Variants in SAMD9 observed in about 807,000 individuals in gnomAD.
SAMD9 encodes sterile alpha motif domain-containing protein 9.
A neutral mutation model predicts 1.5 loss-of-function variants in SAMD9; 3 were observed. The observed-to-expected ratio is 2.05, with a 90% CI of 0.93 to 5.29. The LOEUF is 5.29. Among genes scored for constraint, SAMD9 ranks in the 30% most tolerant of loss-of-function variants. SAMD9 has a pLI of 0.02. For synonymous variants in SAMD9, 635 were observed against 631.9 expected (o/e 1.00, Z -0.07); for missense variants, 1,597 against 1,820.8 (o/e 0.88, Z 2.24).
Position 93,103,775 on chromosome 7 carries a change from C to A in SAMD9, c.2323G>T (p.Glu775Ter), listed in dbSNP as rs770783617. Reference sequence around the variant, plus strand: ...TAGGTGATTAAACTGGTTACCTGTTCTCCAATTTCAGAAAAATCCACTGTC... The same window carrying A: ...TAGGTGATTAAACTGGTTACCTGTTATCCAATTTCAGAAAAATCCACTGTC... ...NKTVDFSEIGEQVTSLITYGA... is the reference protein window; with the variant it reads ...NKTVDFSEIG The change falls in exon 3 of 3, where the codon GAA becomes TAA. Residue 775 changes from glutamate (E) to a stop codon, truncating the protein, a stop_gained. Coordinates refer to ENST00000379958, the MANE Select transcript of SAMD9 (RefSeq NM_017654.4). LOFTEE classifies it low-confidence loss of function (END_TRUNC). 1.9e-6 allele frequency: 3 copies of A among 1,613,954 alleles called. No individual in the cohort carries two copies. The highest frequency in any genetic ancestry group is 2.5e-6 in the Non-Finnish European group (3 of 1,179,870).
chr7:93,113,393 G>A (rs189097257), intron 2 of SAMD9, among the ~76,000 whole-genome samples: 26 of 152,232 alleles, frequency 1.7e-4, no homozygotes, highest in African/African-American at 6.3e-4. Context: ...CATAGGCATG[G>A]GCAAGGACTT....
Position 93,104,877 on chromosome 7 carries a change from A to G in SAMD9, c.1221T>C (p.Asn407=). The G allele has an allele frequency of 6.2e-7, 1 of 1,613,128 alleles. No homozygotes were observed. Among genetic ancestry groups the G allele is most frequent in the Non-Finnish European group, 8.5e-7 (1 of 1,179,522 alleles). ...LLTGNQDLLD[N]SYYEQYILVT... Reference sequence around the variant, plus strand: ...CAAGAATGTACTGTTCATAGTATGAATTATCTAACAAATCTTGATTTCCTG... The same window carrying G: ...CAAGAATGTACTGTTCATAGTATGAGTTATCTAACAAATCTTGATTTCCTG... The change falls in exon 3 of 3, where the codon AAT becomes AAC. Residue 407 remains asparagine, a synonymous_variant. Coordinates refer to ENST00000379958, the MANE Select transcript of SAMD9 (RefSeq NM_017654.4).
At position 93,104,323 on chromosome 7, in the gene SAMD9, G is replaced by C; in HGVS notation, c.1775C>G (p.Ala592Gly). The C allele has an allele frequency of 6.2e-7, 1 of 1,613,584 alleles. No homozygotes were observed. Reference protein sequence around the residue: ...IFQGWKDLLEARLIKHQDEIS... With the variant: ...IFQGWKDLLEGRLIKHQDEIS... ...TTCATCTTGGTGTTTTATTAATCTTGCTTCAAGTAGATCTTTCCATCCCTG... is the reference window on the plus strand; with the variant it reads ...TTCATCTTGGTGTTTTATTAATCTTCCTTCAAGTAGATCTTTCCATCCCTG... The change falls in exon 3 of 3, where the codon GCA (alanine) becomes GGA (glycine). Residue 592 changes from alanine (A) to glycine (G), a missense_variant. Ala to Gly is a moderately conservative substitution (Grantham distance 60, BLOSUM62 0). This residue lies in a region of SAMD9 where 358 missense variants were observed against 460.4 expected (regional missense o/e 0.78). Coordinates refer to ENST00000379958, the MANE Select transcript of SAMD9 (RefSeq NM_017654.4).
rs74945118 is a variant in SAMD9, at chr7:93,117,851, T to C, written c.-110+12A>G. The C allele has an allele frequency of 3.9e-4, 60 of 152,358 alleles. No individual in the cohort carries two copies. The highest frequency in any genetic ancestry group is 1.0e-3 in the African/African-American group (42 of 41,572). The allele number at this position is 152,358 out of a possible 1,614,324, so 9.4% of individuals were successfully genotyped here. On this transcript the variant is annotated intron_variant, in intron 1 of 2. Coordinates refer to ENST00000379958, the MANE Select transcript of SAMD9 (RefSeq NM_017654.4). Reference sequence around the variant, plus strand: ...TAGTAAGAACAATATTAATAATAGATATTGTACTTACCCAGTAGTCTTGCA... The same window carrying C: ...TAGTAAGAACAATATTAATAATAGACATTGTACTTACCCAGTAGTCTTGCA...
chr7:93,108,173 G>T (rs926252396), intron 2 of SAMD9, among the ~76,000 whole-genome samples: 12 of 152,208 alleles, frequency 7.9e-5, no homozygotes. Flanking sequence ...CGCCTGTGTG[G>T]CTAAGGCTTC....
At chr7:93,110,793 C>A (rs1373465976) in intron 2 of SAMD9, among the ~76,000 whole-genome samples, 3 of 152,280 alleles carry the variant, frequency 2.0e-5, no homozygotes, top group Admixed American at 2.0e-4. Context: ...CAGGAGCACC[C>A]AGATTCATAA....
In SAMD9 at chr7:93,101,923, T is replaced by C; in HGVS notation, c.4175A>G (p.Asn1392Ser). The part of the protein sequence containing the change: ...SKEKLNFILA[N>S]IILSCIQPTS... Reference sequence around the variant, plus strand: ...AGGTTGGATACAGGAGAGAATAATGTTGGCCAAGATGAAATTTAGCTTTTC... The same window carrying C: ...AGGTTGGATACAGGAGAGAATAATGCTGGCCAAGATGAAATTTAGCTTTTC... The change falls in exon 3 of 3, where the codon AAC (asparagine) becomes AGC (serine). Residue 1392 changes from asparagine to serine, a missense_variant. Around this residue, in one of 6 missense-constraint regions of SAMD9, gnomAD observed 682 missense variants for 810.0 expected, o/e 0.84. Transcript: ENST00000379958. 2 of 1,613,860 alleles carry C rather than the reference T, an allele frequency of 1.2e-6. No homozygotes were observed.
At chr7:93,113,127 C>G (rs553549796) in intron 2 of SAMD9, among the ~76,000 whole-genome samples, 36 of 152,214 alleles carry the variant, frequency 2.4e-4, no homozygotes, top group Non-Finnish European at 4.9e-4. Flanking sequence ...TGGAACAGAA[C>G]AGAGTCCTCA....
Position 93,104,422 on chromosome 7 carries a change from G to C in SAMD9, c.1676C>G (p.Thr559Ser), listed in dbSNP as rs1452141347. ...GAGATCCTGGTAGAAAGCACAGAAA[G>C]TCTCAATGAGGGGATCTCTTGGGTC... Reference protein sequence around the residue: ...VDDPRDPLIETFCAFYQDLKG... With the variant: ...VDDPRDPLIESFCAFYQDLKG... Residue 559 changes from threonine to serine, a missense_variant, in exon 3 of 3, where the codon ACT becomes AGT. Physicochemically the swap from Thr to Ser is moderately conservative, Grantham distance 58. Coordinates refer to ENST00000379958, the MANE Select transcript of SAMD9 (RefSeq NM_017654.4). 1 of 1,613,938 alleles carries C rather than the reference G, an allele frequency of 6.2e-7. No individual in the cohort carries two copies. The highest frequency in any genetic ancestry group is 1.1e-5 in the South Asian group (1 of 91,076).
intron 2 of SAMD9, among the ~76,000 whole-genome samples, chr7:93,109,684 A>G (rs549132649): frequency 1.3e-5 from 2 of 152,356 alleles, no homozygotes; most frequent in East Asian, 1.9e-4. Context: ...AGCTGATTCT[A>G]TCAAGTGGAA....
chr7:93,110,794 A>G (rs1320880703), intron 2 of SAMD9, among the ~76,000 whole-genome samples: 1 of 152,222 alleles, frequency 6.6e-6, no homozygotes, highest in African/African-American at 2.4e-5. Context: ...AGGAGCACCC[A>G]GATTCATAAA....
rs774843282 is a variant in SAMD9 at position 93,105,493 on chromosome 7, T to G, written c.605A>C (p.Asn202Thr). 1.2e-6 allele frequency: 2 copies of G among 1,614,096 alleles called. No individual in the cohort carries two copies. Among genetic ancestry groups the G allele is most frequent in the Admixed American group, 3.3e-5 (2 of 60,018 alleles). ...ATCCTCTTCTGTGGCTGTTGCTGTA[T>G]TTGTGAAGGCTTTGAATTCATGTAT... is the stretch of plus-strand genomic sequence containing the variant. ...DPIHEFKAFT[N>T]TATATEEDVK... Residue 202 changes from asparagine to threonine, a missense_variant, in exon 3 of 3, where the codon AAT (asparagine) becomes ACT (threonine). Transcript: ENST00000379958.
At position 93,102,612 on chromosome 7, in the gene SAMD9, T is replaced by G. The variant is rs372294603; in HGVS notation, c.3486A>C (p.Ala1162=). 16 of 1,613,736 alleles carry G rather than the reference T, an allele frequency of 9.9e-6. No homozygotes were observed. The highest frequency in any genetic ancestry group is 1.7e-5 in the Admixed American group (1 of 59,990). Residue 1162 remains alanine, a synonymous_variant, in exon 3 of 3, where the codon GCA becomes GCC. Transcript: ENST00000379958. ...CACTTTGCTGTTGAGATTCTTTGAA[T>G]GCACTTGAGGCATGTTCTGCTAAAT... The part of the protein sequence containing the change: ...LLDLAEHASS[A]FKESQQQSED...
chr7:93,103,267 A>G lies in SAMD9; in HGVS notation c.2831T>C (p.Ile944Thr). ...CCCCCAGAAAGCCTTCTTGTTTCCAATTCCTAAGAATTTTTCACACTGTGA... is the reference window on the plus strand; with the variant it reads ...CCCCCAGAAAGCCTTCTTGTTTCCAGTTCCTAAGAATTTTTCACACTGTGA... ...SLSQCEKFLG[I>T]GNKKAFWGTE... The change falls in exon 3 of 3, where the codon ATT becomes ACT. Residue 944 changes from isoleucine to threonine, a missense_variant. Coordinates refer to ENST00000379958, the MANE Select transcript of SAMD9 (RefSeq NM_017654.4). 4 of 1,613,662 alleles carry G rather than the reference A, an allele frequency of 2.5e-6. No homozygotes were observed. The highest frequency in any genetic ancestry group is 3.4e-6 in the Non-Finnish European group (4 of 1,179,740).
chr7:93,110,958 A>G (rs1469795305), intron 2 of SAMD9, among the ~76,000 whole-genome samples: 1 of 152,226 alleles, frequency 6.6e-6, no homozygotes, highest in Non-Finnish European at 1.5e-5. Flanking sequence ...AAGTGGACCT[A>G]ATAGACATCT....
chr7:93,105,594 T>C lies in SAMD9; in HGVS notation c.504A>G (p.Glu168=). Residue 168 remains glutamate, a synonymous_variant, in exon 3 of 3, where the codon GAA becomes GAG. Coordinates refer to ENST00000379958, the MANE Select transcript of SAMD9 (RefSeq NM_017654.4). ...ACTTGTAACGATATGGATTACTGAA[T>C]TCATCAAATGGATATGATACACATG... ...DLTCVSYPFD[E]FSNPYRYKLD... The C allele has an allele frequency of 6.2e-7, 1 of 1,614,162 alleles. No individual in the cohort carries two copies. The highest frequency in any genetic ancestry group is 1.6e-4 in the Middle Eastern group (1 of 6,062).
At chr7:93,106,134 G>C in intron 2 of SAMD9, 29 bp from the exon 3 acceptor site, 1 of 1,450,226 alleles carries the variant, frequency 6.9e-7, no homozygotes, top group Non-Finnish European at 9.2e-7. Context: ...AAATTATTTA[G>C]TATTATTAAA....
intron 2 of SAMD9, 54 bp from the exon 3 acceptor site, chr7:93,106,159 A>G: frequency 8.1e-7 from 1 of 1,235,822 alleles, no homozygotes; most frequent in Admixed American, 2.4e-5. Context: ...AAATTTTGAA[A>G]CAATTTTAGT....
In SAMD9 at chr7:93,104,672, G is replaced by T; in HGVS notation, c.1426C>A (p.Pro476Thr). 5.0e-6 allele frequency: 8 copies of T among 1,614,050 alleles called. No individual in the cohort carries two copies. The highest frequency in any genetic ancestry group is 6.8e-6 in the Non-Finnish European group (8 of 1,179,942). The stretch of plus-strand genomic sequence containing the variant: ...TTTAGAGTAGAAATCGTCTCATTTG[G>T]TGTGGTTTTCTGTTCTACATATACA... ...PSVYVEQKTT[P>T]NETISTLNLY... Residue 476 changes from proline to threonine, a missense_variant, in exon 3 of 3, where the codon CCA becomes ACA. By Grantham distance (38) the Pro-to-Thr change is conservative. This residue lies in a region of SAMD9 where 358 missense variants were observed against 460.4 expected (regional missense o/e 0.78). Transcript: ENST00000379958.
Sources: gnomAD v4.1 joint callset for allele counts (sites outside exome capture counted in the v4.1 genomes callset) on GRCh38, gnomAD v4.1.1 for gene constraint, gnomAD v4.1.1 regional missense constraint, MANE v1.5 for transcripts, NCBI Gene and HGNC (gene_info 2026-07-23, HGNC 2026-07-21) for gene names.